Variants in WDR70 observed in about 807,000 individuals in gnomAD.
WDR70 encodes the protein WD repeat domain 70, also known as WD repeat-containing protein 70.
WDR70 carries 53 observed loss-of-function variants against 88.6 expected under a neutral mutation model. The ratio of observed to expected loss-of-function variants is 0.60; its 90% CI spans 0.48 to 0.75. The LOEUF (loss-of-function observed/expected upper bound fraction) is 0.75. Ranked by LOEUF, WDR70 falls within the 30% of genes least tolerant of loss-of-function variation. The pLI is 0.00. For synonymous variants in WDR70, 280 were observed against 270.0 expected (o/e 1.04, Z -0.36); for missense variants, 610 against 823.2 (o/e 0.74, Z 3.17).
intron 10 of WDR70, among the ~76,000 whole-genome samples, chr5:37,658,477 C>T (rs1745615382): frequency 6.6e-6 from 1 of 151,964 alleles, no homozygotes; most frequent in African/African-American, 2.4e-5. Flanking sequence ...AATAATGTTC[C>T]CTCTGCCTAG....
intron 9 of WDR70, among the ~76,000 whole-genome samples, chr5:37,581,212 ACAAT>A (rs1443137223): frequency 1.4e-5 from 2 of 138,996 alleles, no homozygotes; most frequent in Admixed American, 6.8e-5. Context: ...AACAAAAAAC[ACAAT>A]CAATCAAACT....
chr5:37,390,199 A>T (rs10037680), intron 3 of WDR70, among the ~76,000 whole-genome samples: 13 of 151,424 alleles, frequency 8.6e-5, no homozygotes, highest in African/African-American at 2.9e-4. Flanking sequence ...TATTTTAAAT[A>T]TTTTTTTGTC....
chr5:37,673,190 A>G (rs1746082418), intron 10 of WDR70, among the ~76,000 whole-genome samples: 1 of 152,102 alleles, frequency 6.6e-6, no homozygotes, highest in African/African-American at 2.4e-5. Context: ...GCTAAGCATA[A>G]TGGCCTCCAT....
chr5:37,572,168 C>T (rs1263648014), intron 9 of WDR70, among the ~76,000 whole-genome samples: 1 of 152,018 alleles, frequency 6.6e-6, no homozygotes, highest in Non-Finnish European at 1.5e-5. Context: ...CAGATTCCAA[C>T]TTCAGTAGGC....
intron 9 of WDR70, among the ~76,000 whole-genome samples, chr5:37,520,078 G>A (rs1010583600): frequency 2.0e-5 from 3 of 151,984 alleles, no homozygotes; most frequent in South Asian, 2.1e-4. Context: ...AATGCACTTC[G>A]TATGATTACA....
chr5:37,613,380 A>G (rs1744242364), intron 10 of WDR70, among the ~76,000 whole-genome samples: 1 of 152,208 alleles, frequency 6.6e-6, no homozygotes, highest in Non-Finnish European at 1.5e-5. Context: ...GAAAAGAGGT[A>G]TCAAGATTCA....
At chr5:37,711,258 A>T (rs1474246738) in intron 13 of WDR70, among the ~76,000 whole-genome samples, 2 of 152,092 alleles carry the variant, frequency 1.3e-5, no homozygotes, top group African/African-American at 4.8e-5. Flanking sequence ...GCTTTTGCTT[A>T]ATTAGCTGCC....
chr5:37,415,917 G>A (rs1749727821), intron 5 of WDR70, among the ~76,000 whole-genome samples: 1 of 151,726 alleles, frequency 6.6e-6, no homozygotes, highest in Non-Finnish European at 1.5e-5. Context: ...ACGATGGGCC[G>A]CCGGGCAGAG....
intron 8 of WDR70, among the ~76,000 whole-genome samples, chr5:37,488,762 G>A (rs115419843): frequency 0.03 from 4,599 of 151,932 alleles, 68 homozygotes; most frequent in Non-Finnish European, 0.047. Context: ...TTTAGACTAC[G>A]ATTTCGAATT....
rs545097320 is a variant in WDR70, at chr5:37,689,366, C to T, written c.1093-8289C>T. On this transcript the variant is annotated intron_variant, in intron 10 of 17. Transcript: ENST00000265107. Reference sequence around the variant, plus strand: ...CAGCATGGCGTTTGAGCTCTGAGAACGGACAGACTGCCTCCTCAAGTTGGT... The same window carrying T: ...CAGCATGGCGTTTGAGCTCTGAGAATGGACAGACTGCCTCCTCAAGTTGGT... Among the ~76,000 whole-genome samples the T allele has an allele frequency of 2.3e-3, 352 of 152,312 alleles. 2 individuals are homozygous for T. The highest frequency in any genetic ancestry group is 8.1e-3 in the African/African-American group (337 of 41,572).
At chr5:37,615,732 G>A (rs1218218979) in intron 10 of WDR70, among the ~76,000 whole-genome samples, 1 of 152,172 alleles carries the variant, frequency 6.6e-6, no homozygotes, top group Non-Finnish European at 1.5e-5. Flanking sequence ...CCTGTCTCTT[G>A]TAGAACTCAT....
At chr5:37,735,842 T>G (rs1456365063) in intron 17 of WDR70, among the ~76,000 whole-genome samples, 1 of 152,192 alleles carries the variant, frequency 6.6e-6, no homozygotes, top group Non-Finnish European at 1.5e-5. Flanking sequence ...CATATCTCGC[T>G]TTATCACAGA....
In WDR70 at chr5:37,573,108, C is replaced by T. The variant is rs141401674; in HGVS notation, c.918-31956C>T. ...TGTTATACTTTTTGAAATTCTTGTACTGTTCTTTAACAGCACTTGTTAAAG... is the reference window on the plus strand; with the variant it reads ...TGTTATACTTTTTGAAATTCTTGTATTGTTCTTTAACAGCACTTGTTAAAG... On this transcript the variant is annotated intron_variant, in intron 9 of 17. Transcript: ENST00000265107. Among the ~76,000 whole-genome samples, 3 of 152,298 alleles carry T rather than the reference C, an allele frequency of 2.0e-5. No individual in the cohort carries two copies. The East Asian group carries it at 5.8e-4, about 29-fold the overall frequency.
intron 5 of WDR70, among the ~76,000 whole-genome samples, chr5:37,427,834 A>G (rs1195546890): frequency 1.3e-5 from 2 of 152,164 alleles, no homozygotes; most frequent in African/African-American, 4.8e-5. Flanking sequence ...GTGCCACTGC[A>G]CTCCAGTCTG....
rs552136162 is a variant in WDR70, at chr5:37,732,960, AT to A, written c.1877+5924del. Among the ~76,000 whole-genome samples the A allele has an allele frequency of 9.3e-5, 14 of 151,212 alleles. No individual in the cohort carries two copies. The South Asian group carries it at 1.5e-3, about 16-fold the overall frequency. ...ATATTCCCACTCAATACTTTTATGG[AT>A]TTTTTTTTAGAGTTAAGTCTTCAAT... is the stretch of plus-strand genomic sequence containing the variant. On this transcript the variant is annotated intron_variant, in intron 17 of 17. Transcript: ENST00000265107.
chr5:37,418,358 C>T (rs1280250762), intron 5 of WDR70, among the ~76,000 whole-genome samples: 2 of 152,062 alleles, frequency 1.3e-5, no homozygotes, highest in South Asian at 2.1e-4. Flanking sequence ...CTCGCTCTGT[C>T]GCCCAGGCTG....
At position 37,512,227 on chromosome 5, in the gene WDR70, A is replaced by T. The variant is rs574541144; in HGVS notation, c.841-4287A>T. Among the ~76,000 whole-genome samples, 129 of 150,198 alleles carry T rather than the reference A, an allele frequency of 8.6e-4. 1 individual carries two copies. The highest frequency in any genetic ancestry group is 2.0e-3 in the African/African-American group (82 of 40,920). The stretch of plus-strand genomic sequence containing the variant: ...TCTTCTCTTTTCTTCTTTAAAAAAA[A>T]TTTTTTTTTTCTTGAAACAGGGTCT... On this transcript the variant is annotated intron_variant, in intron 8 of 17. Transcript: ENST00000265107.
At chr5:37,432,438 G>A (rs1397282461) in intron 5 of WDR70, among the ~76,000 whole-genome samples, 1 of 152,192 alleles carries the variant, frequency 6.6e-6, no homozygotes, top group South Asian at 2.1e-4. Context: ...GCCCAGGCTG[G>A]AGTGCAGTGG....
chr5:37,579,937 A>G (rs1428561347), intron 9 of WDR70, among the ~76,000 whole-genome samples: 1 of 152,194 alleles, frequency 6.6e-6, no homozygotes, highest in Non-Finnish European at 1.5e-5. Context: ...TAATATACTT[A>G]AAAATTATTG....
Sources: allele counts gnomAD v4.1 joint callset (sites outside exome capture counted in the v4.1 genomes callset), GRCh38; gene constraint gnomAD v4.1.1; transcripts MANE v1.5; gene names NCBI Gene and HGNC (gene_info 2026-07-23, HGNC 2026-07-21).